The following AGMO variants were observed in gnomAD, a reference collection of about 807,000 sequenced individuals.
The protein encoded by AGMO is glyceryl-ether monooxygenase.
Under a neutral mutation model 60.2 loss-of-function variants are expected in AGMO, and 75 were observed. That is an observed-to-expected ratio of 1.25 (90% CI 1.03 to 1.51). The LOEUF (loss-of-function observed/expected upper bound fraction) is 1.51, where lower values mean the gene tolerates loss of function less well. Among genes scored for constraint, AGMO ranks in the 40% most tolerant of loss-of-function variants. The pLI is 0.00. For synonymous variants in AGMO, 261 were observed against 177.1 expected, an observed-to-expected ratio of 1.47 and a Z score of -3.76; for missense variants, 763 against 525.5, an observed-to-expected ratio of 1.45 and a Z score of -4.42.
chr7:15,297,026 T>G (rs903023776), intron 12 of AGMO, among the ~76,000 whole-genome samples: 2 of 151,816 alleles, frequency 1.3e-5, no homozygotes, highest in African/African-American at 4.8e-5. Flanking sequence ...TACCTCTCTT[T>G]CTCATACCAC....
the AGMO span, among the ~76,000 whole-genome samples, chr7:15,194,362 A>T: frequency 6.8e-6 from 1 of 147,602 alleles, no homozygotes; most frequent in African/African-American, 2.4e-5. Flanking sequence ...TTTAATGGTT[A>T]AATAAGTAAA....
intron 3 of AGMO, among the ~76,000 whole-genome samples, chr7:15,500,882 G>A (rs960970368): frequency 6.6e-6 from 1 of 151,290 alleles, no homozygotes; most frequent in African/African-American, 2.4e-5. Context: ...ATTCTGGCAT[G>A]TTGTATATTT....
At chr7:15,309,810 T>C (rs1780717240) in intron 12 of AGMO, among the ~76,000 whole-genome samples, 1 of 152,128 alleles carries the variant, frequency 6.6e-6, no homozygotes, top group African/African-American at 2.4e-5. Context: ...CAATCAAAGA[T>C]CATTATGCCA....
At chr7:15,432,369 C>CACATATATAT (rs141888494) in intron 3 of AGMO, among the ~76,000 whole-genome samples, 3 of 50,696 alleles carry the variant, frequency 5.9e-5, no homozygotes, top group South Asian at 1.5e-3. Context: ...TATACACACA[C>CACATATATAT]ATATATATAT....
the AGMO span, among the ~76,000 whole-genome samples, chr7:15,188,776 T>TATTA: frequency 6.6e-6 from 1 of 151,724 alleles, no homozygotes; most frequent in Non-Finnish European, 1.5e-5. Context: ...ACAGTGTGGT[T>TATTA]AGTGTCAGAT....
At chr7:15,268,767 G>A (rs1343811370) in intron 12 of AGMO, among the ~76,000 whole-genome samples, 4 of 151,730 alleles carry the variant, frequency 2.6e-5, no homozygotes. Flanking sequence ...AGAGGGATGG[G>A]GATAATGTAG....
At chr7:15,137,378 T>C in the AGMO span, among the ~76,000 whole-genome samples, 2 of 152,232 alleles carry the variant, frequency 1.3e-5, no homozygotes, top group African/African-American at 4.8e-5. Flanking sequence ...TTGATTTTTA[T>C]TTGTTATTTT....
intron 12 of AGMO, among the ~76,000 whole-genome samples, chr7:15,327,468 C>T (rs532634119): frequency 2.0e-5 from 3 of 152,228 alleles, no homozygotes; most frequent in East Asian, 1.9e-4. Context: ...GCTTCATTCA[C>T]TCACATGCAA....
intron 2 of AGMO, among the ~76,000 whole-genome samples, chr7:15,550,508 A>G (rs1247779234): frequency 6.6e-6 from 1 of 152,194 alleles, no homozygotes; most frequent in East Asian, 1.9e-4. Flanking sequence ...CCACAGAAAT[A>G]CAAACTACCA....
intron 12 of AGMO, among the ~76,000 whole-genome samples, chr7:15,264,983 T>C (rs1322383917): frequency 1.3e-5 from 2 of 152,112 alleles, no homozygotes; most frequent in African/African-American, 4.8e-5. Flanking sequence ...CATGCACTCT[T>C]ACGTTCATTG....
chr7:15,418,715 G>A (rs923064944), intron 4 of AGMO, 62 bp from the exon 5 acceptor site: 1 of 987,120 alleles, frequency 1.0e-6, no homozygotes, highest in African/African-American at 1.7e-5. Flanking sequence ...CTTTGTTAAT[G>A]GTTCAATATT....
At chr7:15,560,468 G>C (rs1785275193) in intron 1 of AGMO, among the ~76,000 whole-genome samples, 197 bp from the exon 2 acceptor site, 1 of 152,054 alleles carries the variant, frequency 6.6e-6, no homozygotes, top group Non-Finnish European at 1.5e-5. Flanking sequence ...CTAAACATGT[G>C]CTCAAATTCT....
chr7:15,274,458 G>C (rs1783717349), intron 12 of AGMO, among the ~76,000 whole-genome samples: 1 of 152,178 alleles, frequency 6.6e-6, no homozygotes, highest in Non-Finnish European at 1.5e-5. Context: ...GTGCATCCCA[G>C]GGTGAAGCCC....
At chr7:15,228,593 G>A (rs112357574) in intron 12 of AGMO, among the ~76,000 whole-genome samples, 11 of 152,164 alleles carry the variant, frequency 7.2e-5, no homozygotes, top group African/African-American at 1.9e-4. Context: ...AAAAGTGAAA[G>A]AGCAAGTCAT....
chr7:15,395,521 A>G (rs1784337840), intron 5 of AGMO, among the ~76,000 whole-genome samples: 1 of 152,198 alleles, frequency 6.6e-6, no homozygotes, highest in African/African-American at 2.4e-5. Flanking sequence ...TCATTTTGTT[A>G]GAAAATGCAT....
the AGMO span, among the ~76,000 whole-genome samples, chr7:15,121,512 T>C: frequency 2.0e-5 from 3 of 152,320 alleles, no homozygotes; most frequent in Non-Finnish European, 2.9e-5. Context: ...ATGAACACCC[T>C]TCTAACTGGT....
intron 12 of AGMO, among the ~76,000 whole-genome samples, chr7:15,243,750 T>A (rs1240151898): frequency 6.6e-6 from 1 of 152,180 alleles, no homozygotes; most frequent in Non-Finnish European, 1.5e-5. Context: ...AATCTGTGTA[T>A]TTTTTCAAAG....
intron 12 of AGMO, among the ~76,000 whole-genome samples, chr7:15,345,883 A>G (rs925543509): frequency 1.3e-5 from 2 of 151,552 alleles, no homozygotes; most frequent in Admixed American, 1.3e-4. Context: ...TTGGTACTTA[A>G]TTTTTTTTTG....
chr7:15,168,623 A>T, the AGMO span, among the ~76,000 whole-genome samples: 3 of 152,220 alleles, frequency 2.0e-5, no homozygotes, highest in East Asian at 5.8e-4. Flanking sequence ...AGAAAGAAAG[A>T]TTCTTTCCTT....
Sources: allele counts gnomAD v4.1 joint callset (sites outside exome capture counted in the v4.1 genomes callset), GRCh38; gene constraint gnomAD v4.1.1; transcripts MANE v1.5; gene names NCBI Gene and HGNC (gene_info 2026-07-23, HGNC 2026-07-21).